SLIT2: variants seen among roughly 807,000 people sequenced by gnomAD.
SLIT2 encodes slit homolog 2 protein.
SLIT2 carries 41 observed loss-of-function variants against 185.7 expected under a neutral mutation model. That is an observed-to-expected ratio of 0.22 (90% CI 0.17 to 0.29). SLIT2 has a LOEUF of 0.29. Among genes scored for constraint, SLIT2 ranks in the 10% least tolerant of loss-of-function variants. SLIT2 has a pLI of 1.00. For missense variants in SLIT2, 1,571 were observed against 1,909.0 expected, an observed-to-expected ratio of 0.82 and a Z score of 3.30; for synonymous variants, 693 against 680.2, an observed-to-expected ratio of 1.02 and a Z score of -0.29.
At chr4:20,610,934 C>T (rs368992360) in intron 34 of SLIT2, among the ~76,000 whole-genome samples, 5 of 152,068 alleles carry the variant, frequency 3.3e-5, no homozygotes, top group South Asian at 2.1e-4. Context: ...AGGAGCCCAT[C>T]GGAGAGGACC....
At chr4:20,366,454 A>G (rs921745227) in intron 4 of SLIT2, among the ~76,000 whole-genome samples, 1 of 152,180 alleles carries the variant, frequency 6.6e-6, no homozygotes, top group African/African-American at 2.4e-5. Flanking sequence ...AGAATAGAAT[A>G]GTAAGATTGG....
intron 4 of SLIT2, among the ~76,000 whole-genome samples, chr4:20,463,373 G>A (rs1713931085): frequency 6.7e-6 from 1 of 148,294 alleles, no homozygotes; most frequent in Admixed American, 6.8e-5. Context: ...TCTTTGATCT[G>A]TGTCCTTGAT....
intron 11 of SLIT2, among the ~76,000 whole-genome samples, chr4:20,518,987 A>T (rs1266736468): frequency 6.6e-6 from 1 of 152,150 alleles, no homozygotes; most frequent in Admixed American, 6.5e-5. Context: ...GAGGACTTTT[A>T]TGTCACTGTA....
At chr4:20,276,492 G>A (rs191041060) in intron 4 of SLIT2, among the ~76,000 whole-genome samples, 18 of 152,286 alleles carry the variant, frequency 1.2e-4, no homozygotes, top group Admixed American at 2.6e-4. Context: ...ACAGCATAGA[G>A]GTGTGAAATG....
intron 4 of SLIT2, among the ~76,000 whole-genome samples, chr4:20,464,607 C>T (rs750280927): frequency 6.6e-6 from 1 of 152,100 alleles, no homozygotes; most frequent in African/African-American, 2.4e-5. Context: ...TCTCACTCAG[C>T]GCACCATTGA....
intron 4 of SLIT2, among the ~76,000 whole-genome samples, chr4:20,328,663 T>C (rs1719801034): frequency 6.6e-6 from 1 of 152,108 alleles, no homozygotes; most frequent in Admixed American, 6.6e-5. Context: ...AAAACGTTAT[T>C]AGATTTTACT....
At chr4:20,344,030 T>C (rs1721182880) in intron 4 of SLIT2, among the ~76,000 whole-genome samples, 1 of 152,074 alleles carries the variant, frequency 6.6e-6, no homozygotes, top group South Asian at 2.1e-4. Context: ...TTTTGTATTT[T>C]GGTAGAGATG....
chr4:20,588,057 A>G (rs1271770777), intron 29 of SLIT2, among the ~76,000 whole-genome samples: 1 of 152,230 alleles, frequency 6.6e-6, no homozygotes, highest in Non-Finnish European at 1.5e-5. Context: ...GTAGGCTGAT[A>G]AAATATGATG....
At chr4:20,609,782 T>G (rs1265259448) in intron 33 of SLIT2, among the ~76,000 whole-genome samples, 1 of 152,232 alleles carries the variant, frequency 6.6e-6, no homozygotes, top group Non-Finnish European at 1.5e-5. Flanking sequence ...TTCTACTTCT[T>G]GTCATAAAAG....
chr4:20,601,517 C>A (rs1279868726), intron 33 of SLIT2, among the ~76,000 whole-genome samples: 1 of 152,192 alleles, frequency 6.6e-6, no homozygotes, highest in Non-Finnish European at 1.5e-5. Context: ...CATTGAAAGG[C>A]ATGACAGGTG....
intron 33 of SLIT2, among the ~76,000 whole-genome samples, chr4:20,599,528 CT>C (rs749268257): frequency 2.6e-5 from 4 of 152,042 alleles, no homozygotes; most frequent in Non-Finnish European, 5.9e-5. Flanking sequence ...TATAAATAGC[CT>C]TGATGTTGGC....
chr4:20,327,952 A>G (rs1719739763), intron 4 of SLIT2, among the ~76,000 whole-genome samples: 1 of 152,072 alleles, frequency 6.6e-6, no homozygotes, highest in African/African-American at 2.4e-5. Context: ...GCCAATGACT[A>G]TATGGAACAT....
At chr4:20,500,432 C>T (rs1718623667) in intron 9 of SLIT2, among the ~76,000 whole-genome samples, 1 of 152,156 alleles carries the variant, frequency 6.6e-6, no homozygotes, top group Admixed American at 6.5e-5. Context: ...TTCAAATCCA[C>T]TCACAAATTA....
chr4:20,329,498 A>G (rs1021987407), intron 4 of SLIT2, among the ~76,000 whole-genome samples: 2 of 152,052 alleles, frequency 1.3e-5, no homozygotes, highest in Admixed American at 6.6e-5. Flanking sequence ...CAATGTATGT[A>G]TACTATCTAG....
At chr4:20,553,491 A>G (rs1362269159) in intron 25 of SLIT2, among the ~76,000 whole-genome samples, 1 of 152,136 alleles carries the variant, frequency 6.6e-6, no homozygotes, top group East Asian at 1.9e-4. Flanking sequence ...ATAGTAATGC[A>G]CTCGGTGTGT....
chr4:20,288,022 A>AT (rs972288447), intron 4 of SLIT2, among the ~76,000 whole-genome samples: 1 of 152,164 alleles, frequency 6.6e-6, no homozygotes, highest in Non-Finnish European at 1.5e-5. Flanking sequence ...ATGGTATCTG[A>AT]TTTTTAAACA....
At chr4:20,418,982 C>T (rs904914759) in intron 4 of SLIT2, among the ~76,000 whole-genome samples, 3 of 152,218 alleles carry the variant, frequency 2.0e-5, no homozygotes, top group East Asian at 3.9e-4. Context: ...TATCAGAGTA[C>T]GATACTTTCT....
rs149569787 is a variant in SLIT2 at position 20,566,200 on chromosome 4, G to C, written c.2726-1062G>C. On this transcript the variant is annotated intron_variant, in intron 26 of 36. Transcript: ENST00000504154. ...CACATAACTTTGCTAGAAATTGCTT[G>C]TGATAAAATGTTCAATTAGAATTAT... Among the ~76,000 whole-genome samples, 64 of 152,146 alleles carry C rather than the reference G, an allele frequency of 4.2e-4. No homozygotes were observed. The East Asian group carries it at 8.1e-3, about 19-fold the overall frequency.
rs568689264 is a variant in SLIT2, at chr4:20,496,184, C to T, written c.914+4285C>T. ...TATGCCATATATGAGTGATCAACTG[C>T]CTATAAATCTAAGTAGAAAATAATG... is the stretch of plus-strand genomic sequence containing the variant. On this transcript the variant is annotated intron_variant, in intron 9 of 36. Coordinates refer to ENST00000504154, the MANE Select transcript of SLIT2 (RefSeq NM_004787.4). Among the ~76,000 whole-genome samples, 7 of 152,218 alleles carry T rather than the reference C, an allele frequency of 4.6e-5. No individual in the cohort carries two copies. In the East Asian group the frequency reaches 1.3e-3, roughly 29 times the overall value.
Sources: gnomAD v4.1 joint callset for allele counts (sites outside exome capture counted in the v4.1 genomes callset) on GRCh38, gnomAD v4.1.1 for gene constraint, MANE v1.5 for transcripts, NCBI Gene and HGNC (gene_info 2026-07-23, HGNC 2026-07-21) for gene names.